Variants in PRR5L observed in about 807,000 individuals in gnomAD.
PRR5L encodes proline-rich protein 5-like.
A neutral mutation model predicts 36.4 loss-of-function variants in PRR5L; 21 were observed. That is an observed-to-expected ratio of 0.58 (90% CI 0.41 to 0.83). PRR5L has a LOEUF of 0.83. Ranked by LOEUF, PRR5L falls within the 40% of genes least tolerant of loss-of-function variation. PRR5L has a pLI of 0.00. For synonymous variants in PRR5L, 188 were observed against 197.0 expected (o/e 0.95, Z 0.38); for missense variants, 381 against 473.3 (o/e 0.80, Z 1.81).
At chr11:36,424,409 T>C (rs1349310112) in intron 4 of PRR5L, among the ~76,000 whole-genome samples, 1 of 152,196 alleles carries the variant, frequency 6.6e-6, no homozygotes, top group African/African-American at 2.4e-5. Flanking sequence ...AATTTGGTGA[T>C]TTACTGTAGA....
intron 5 of PRR5L, among the ~76,000 whole-genome samples, chr11:36,433,345 A>G (rs1332351201): frequency 2.0e-5 from 3 of 152,134 alleles, no homozygotes; most frequent in African/African-American, 7.2e-5. Flanking sequence ...AAGTGGAATC[A>G]TATGGTGTTT....
intron 1 of PRR5L, among the ~76,000 whole-genome samples, chr11:36,298,040 A>G (rs1856331804): frequency 6.6e-6 from 1 of 152,202 alleles, no homozygotes; most frequent in Non-Finnish European, 1.5e-5. Flanking sequence ...GATACTTCAG[A>G]GAGCACCATT....
At chr11:36,351,656 TAAA>T (rs1856970028) in intron 1 of PRR5L, among the ~76,000 whole-genome samples, 1 of 4,132 alleles carries the variant, frequency 2.4e-4, no homozygotes, top group Non-Finnish European at 4.3e-4. Context: ...TATATTTATA[TAAA>T]TATATATTTA....
intron 5 of PRR5L, among the ~76,000 whole-genome samples, chr11:36,435,751 A>C (rs543343069): frequency 1.3e-5 from 2 of 152,238 alleles, no homozygotes; most frequent in African/African-American, 4.8e-5. Context: ...CATGCTAACT[A>C]TTAAGTCCTG....
chr11:36,432,899 G>A (rs780651544), intron 5 of PRR5L, among the ~76,000 whole-genome samples: 1 of 152,172 alleles, frequency 6.6e-6, no homozygotes, highest in Non-Finnish European at 1.5e-5. Context: ...AGAAACTGAC[G>A]CTGGAAAGTT....
At chr11:36,456,746 A>T (rs562997290) in intron 8 of PRR5L, among the ~76,000 whole-genome samples, 2 of 152,392 alleles carry the variant, frequency 1.3e-5, no homozygotes, top group East Asian at 3.8e-4. Flanking sequence ...AGTACCTAGC[A>T]TATCATGGAT....
intron 1 of PRR5L, among the ~76,000 whole-genome samples, chr11:36,299,081 G>A (rs1856345634): frequency 6.6e-6 from 1 of 152,206 alleles, no homozygotes; most frequent in Non-Finnish European, 1.5e-5. Flanking sequence ...AACAAGTGCT[G>A]TCAGCTTTTC....
intron 3 of PRR5L, among the ~76,000 whole-genome samples, chr11:36,403,744 T>C (rs12274403): frequency 0.23 from 34,633 of 152,140 alleles, 5,563 homozygotes; most frequent in African/African-American, 0.46. Flanking sequence ...GGTTTTATTG[T>C]GTTCTTCCTT....
rs1856848064 is a variant in PRR5L at position 36,344,755 on chromosome 11, C to T, written c.-126+48317C>T. On this transcript the variant is annotated intron_variant, in intron 1 of 8. Coordinates refer to ENST00000530639, the MANE Select transcript of PRR5L (RefSeq NM_001160167.2). This position sits in a 1 kb window ranked among gnomAD's most constrained non-coding sequence, Gnocchi z 4.1. ...ATTAAAAAATCAAGATAAATGAAAA[C>T]CATGAGGATTCTGACTGAGAATGAA... Among the ~76,000 whole-genome samples, 1 of 152,070 alleles carries T rather than the reference C, an allele frequency of 6.6e-6. No individual in the cohort carries two copies. Among genetic ancestry groups the T allele is most frequent in the Non-Finnish European group, 1.5e-5 (1 of 68,006 alleles).
chr11:36,433,606 G>A (rs926734195), intron 5 of PRR5L, among the ~76,000 whole-genome samples: 1 of 152,178 alleles, frequency 6.6e-6, no homozygotes, highest in African/African-American at 2.4e-5. Context: ...CTGGAGTACA[G>A]TGGCATGATT....
chr11:36,367,384 A>T (rs976964790), intron 1 of PRR5L, among the ~76,000 whole-genome samples: 1 of 152,192 alleles, frequency 6.6e-6, no homozygotes, highest in Non-Finnish European at 1.5e-5. Context: ...AATGTATTAC[A>T]ATGTGCCAAG....
intron 1 of PRR5L, among the ~76,000 whole-genome samples, chr11:36,395,653 G>A (rs908367857): frequency 6.6e-6 from 1 of 152,154 alleles, no homozygotes; most frequent in South Asian, 2.1e-4. Flanking sequence ...AGAAAAATAG[G>A]GGCACATAGA....
chr11:36,461,717 A>G (rs1428399629), intron 8 of PRR5L, among the ~76,000 whole-genome samples: 2 of 152,162 alleles, frequency 1.3e-5, no homozygotes, highest in East Asian at 3.8e-4. Context: ...CTGTTCTTTG[A>G]TGATGCTAAA....
chr11:36,421,615 C>T (rs1320076051), intron 4 of PRR5L, among the ~76,000 whole-genome samples: 14 of 151,506 alleles, frequency 9.2e-5, no homozygotes, highest in Admixed American at 7.9e-4. Flanking sequence ...TCTTTTGGTT[C>T]CCCACTCCCT....
At chr11:36,319,266 A>G (rs1856589584) in intron 1 of PRR5L, among the ~76,000 whole-genome samples, 1 of 152,216 alleles carries the variant, frequency 6.6e-6, no homozygotes, top group South Asian at 2.1e-4. Flanking sequence ...TGAAGCTGAG[A>G]AGATGTGGTT....
At chr11:36,362,096 C>A (rs1857095669) in intron 1 of PRR5L, 1 of 149,910 alleles carries the variant, frequency 6.7e-6, no homozygotes, top group African/African-American at 2.5e-5. Context: ...AGCACGGAAG[C>A]AGCAGGCAGT....
chr11:36,346,755 C>A (rs1856870060), intron 1 of PRR5L, among the ~76,000 whole-genome samples: 1 of 151,876 alleles, frequency 6.6e-6, no homozygotes, highest in Non-Finnish European at 1.5e-5. Context: ...AGGCAGTGAC[C>A]TAAAGGGAGA....
At chr11:36,361,534 T>G (rs1163777102) in intron 1 of PRR5L, among the ~76,000 whole-genome samples, 1 of 152,202 alleles carries the variant, frequency 6.6e-6, no homozygotes, top group African/African-American at 2.4e-5. Context: ...TTTCTAAGAC[T>G]TTAAAGGGTT....
chr11:36,420,278 A>G (rs1372500535), intron 4 of PRR5L, among the ~76,000 whole-genome samples: 1 of 152,216 alleles, frequency 6.6e-6, no homozygotes, highest in South Asian at 2.1e-4. Context: ...AAAGTTTATT[A>G]TATGCTTTAT....
Sources: allele counts gnomAD v4.1 joint callset (sites outside exome capture counted in the v4.1 genomes callset), GRCh38; gene constraint gnomAD v4.1.1; non-coding constraint Gnocchi (gnomAD v3.1); transcripts MANE v1.5; gene names NCBI Gene and HGNC (gene_info 2026-07-23, HGNC 2026-07-21).